The following GRIK1 variants were observed in gnomAD, a reference collection of about 807,000 sequenced individuals.
The protein encoded by GRIK1 is glutamate receptor ionotropic, kainate 1.
A neutral mutation model predicts 105.7 loss-of-function variants in GRIK1; 69 were observed. The observed-to-expected ratio is 0.65, with a 90% CI of 0.54 to 0.80. The LOEUF (loss-of-function observed/expected upper bound fraction) is 0.80, where lower values mean the gene tolerates loss of function less well. GRIK1 is among the 30% of genes least tolerant of loss of function. The pLI, the probability that GRIK1 is intolerant of heterozygous loss-of-function variation, is 0.00. For missense variants in GRIK1, 1,109 were observed against 1,167.3 expected, an observed-to-expected ratio of 0.95 and a Z score of 0.73; for synonymous variants, 438 against 431.3, an observed-to-expected ratio of 1.02 and a Z score of -0.19.
intron 6 of GRIK1, among the ~76,000 whole-genome samples, chr21:29,650,142 CAGTT>C (rs914898537): frequency 7.9e-5 from 12 of 152,262 alleles, no homozygotes; most frequent in South Asian, 2.1e-4. Flanking sequence ...GTTTGAAAAA[CAGTT>C]AGGGAGCCTG....
At chr21:29,770,727 C>T (rs1436594195) in intron 1 of GRIK1, among the ~76,000 whole-genome samples, 2 of 152,210 alleles carry the variant, frequency 1.3e-5, no homozygotes, top group African/African-American at 4.8e-5. Flanking sequence ...CTTATTTCAG[C>T]ATTTGTTCAT....
intron 7 of GRIK1, among the ~76,000 whole-genome samples, chr21:29,628,990 T>C (rs2062195633): frequency 6.6e-6 from 1 of 152,166 alleles, no homozygotes; most frequent in Non-Finnish European, 1.5e-5. Flanking sequence ...ATTTATTTAG[T>C]CACCAAGATT....
chr21:29,830,192 T>A (rs565373694), intron 1 of GRIK1, among the ~76,000 whole-genome samples: 1 of 152,162 alleles, frequency 6.6e-6, no homozygotes, highest in Non-Finnish European at 1.5e-5. Flanking sequence ...GAATTAATTA[T>A]CATTGTGTGT....
intron 7 of GRIK1, among the ~76,000 whole-genome samples, chr21:29,640,280 G>A (rs1425017382): frequency 1.3e-5 from 2 of 151,968 alleles, no homozygotes; most frequent in South Asian, 2.1e-4. Flanking sequence ...GAAAAAACAC[G>A]TGCACTTTCT....
chr21:29,592,316 T>G (rs534956936), intron 9 of GRIK1, among the ~76,000 whole-genome samples: 15 of 152,318 alleles, frequency 9.8e-5, no homozygotes, highest in African/African-American at 3.4e-4. Flanking sequence ...GGTCACTGAT[T>G]TTACTGTCAC....
chr21:29,695,924 A>G (rs544333041), intron 1 of GRIK1, among the ~76,000 whole-genome samples: 33 of 152,362 alleles, frequency 2.2e-4, no homozygotes, highest in South Asian at 1.0e-3. Context: ...ATATAGAAAA[A>G]GTCTGAAACG....
chr21:29,614,143 C>A (rs363443), intron 7 of GRIK1, among the ~76,000 whole-genome samples: 81,442 of 151,856 alleles, frequency 0.54, 24,821 homozygotes, highest in African/African-American at 0.84. Flanking sequence ...GATAGATTCC[C>A]TGGCACAACC....
At chr21:29,807,273 C>G (rs1221690123) in intron 1 of GRIK1, among the ~76,000 whole-genome samples, 1 of 152,088 alleles carries the variant, frequency 6.6e-6, no homozygotes, top group Admixed American at 6.6e-5. Flanking sequence ...TGCCCCTTCC[C>G]TGTGGCGGCT....
intron 1 of GRIK1, among the ~76,000 whole-genome samples, chr21:29,895,052 T>C (rs1321467985): frequency 3.9e-5 from 6 of 152,156 alleles, no homozygotes; most frequent in African/African-American, 1.4e-4. Context: ...TTGATACGGA[T>C]CTAATAGTGG....
chr21:29,675,115 A>G (rs1170126677), intron 3 of GRIK1, among the ~76,000 whole-genome samples: 1 of 152,228 alleles, frequency 6.6e-6, no homozygotes, highest in African/African-American at 2.4e-5. Flanking sequence ...TATTTAAATG[A>G]GGAATTCAGG....
intron 16 of GRIK1, among the ~76,000 whole-genome samples, chr21:29,546,020 C>G (rs2090045213): frequency 6.6e-6 from 1 of 152,180 alleles, no homozygotes; most frequent in Non-Finnish European, 1.5e-5. Flanking sequence ...GGAGAAGTGT[C>G]TAGAGGGCCC....
intron 1 of GRIK1, among the ~76,000 whole-genome samples, chr21:29,726,158 G>A (rs1166281975): frequency 6.6e-6 from 1 of 152,204 alleles, no homozygotes; most frequent in Non-Finnish European, 1.5e-5. Flanking sequence ...AGGACTGAAT[G>A]AGATTTATCA....
intron 1 of GRIK1, among the ~76,000 whole-genome samples, chr21:29,854,060 G>A (rs1374432863): frequency 6.6e-6 from 1 of 152,084 alleles, no homozygotes; most frequent in East Asian, 1.9e-4. Context: ...ACCTAATGCT[G>A]AGTAATTTAT....
At chr21:29,829,567 G>A (rs1226405154) in intron 1 of GRIK1, among the ~76,000 whole-genome samples, 1 of 152,130 alleles carries the variant, frequency 6.6e-6, no homozygotes, top group East Asian at 1.9e-4. Flanking sequence ...ATCTGTGTTA[G>A]CAAGCAGTGC....
At chr21:29,607,399 TA>T (rs374011528) in intron 7 of GRIK1, among the ~76,000 whole-genome samples, 2,934 of 137,788 alleles carry the variant, frequency 0.021, 34 homozygotes, top group African/African-American at 0.05. Flanking sequence ...CTCTGGAAAT[TA>T]AAAAAAAAAA....
At chr21:29,587,797 A>G (rs181980655) in intron 11 of GRIK1, among the ~76,000 whole-genome samples, 181 of 152,146 alleles carry the variant, frequency 1.2e-3, no homozygotes, top group African/African-American at 4.0e-3. Flanking sequence ...AAAGTATAAA[A>G]CACACATATA....
chr21:29,801,416 T>A (rs1206616760), intron 1 of GRIK1, among the ~76,000 whole-genome samples: 2 of 152,054 alleles, frequency 1.3e-5, no homozygotes, highest in African/African-American at 4.8e-5. Flanking sequence ...GGGGCTTAAA[T>A]CAAATACCCA....
Position 29,774,446 on chromosome 21 carries a change from C to CTT in GRIK1, c.119-80385_119-80384dup, listed in dbSNP as rs34378438. ...TCAAGTGCTGTTTCTTTATTTTGCTCTTTTTTTTTTTTTTTTTTTTTCTGA... is the reference window on the plus strand; with the variant it reads ...TCAAGTGCTGTTTCTTTATTTTGCTCTTTTTTTTTTTTTTTTTTTTTTTCTGA... On this transcript the variant is annotated intron_variant, in intron 1 of 17. Transcript: ENST00000327783. Among the ~76,000 whole-genome samples, 476 of 102,404 alleles carry CTT rather than the reference C, an allele frequency of 4.6e-3. 3 individuals carry two copies. The highest frequency in any genetic ancestry group is 0.013 in the African/African-American group (394 of 29,370). The allele number at this position is 102,404 out of a possible 152,430, so 67.2% of individuals were successfully genotyped here. A position where few individuals can be genotyped will look rare whatever the true frequency, so the allele number is the denominator to read the frequency against.
At chr21:29,734,120 T>C (rs940255486) in intron 1 of GRIK1, among the ~76,000 whole-genome samples, 1 of 152,202 alleles carries the variant, frequency 6.6e-6, no homozygotes, top group Non-Finnish European at 1.5e-5. Flanking sequence ...CAGAACATTA[T>C]TGGCCTAATC....
Sources: gnomAD v4.1 joint callset for allele counts (sites outside exome capture counted in the v4.1 genomes callset) on GRCh38, gnomAD v4.1.1 for gene constraint, MANE v1.5 for transcripts, NCBI Gene and HGNC (gene_info 2026-07-23, HGNC 2026-07-21) for gene names.